ERC1: variants seen among roughly 807,000 people sequenced by gnomAD.
ERC1 encodes the protein RAB6 interacting protein 2.
A neutral mutation model predicts 132.0 loss-of-function variants in ERC1; 56 were observed. That is an observed-to-expected ratio of 0.42 (90% CI 0.34 to 0.53). The LOEUF (loss-of-function observed/expected upper bound fraction) is 0.53. ERC1 is among the 20% of genes least tolerant of loss of function. ERC1 has a pLI of 0.03. For missense variants in ERC1, 1,202 were observed against 1,349.9 expected (o/e 0.89, Z 1.72); for synonymous variants, 478 against 476.1 (o/e 1.00, Z -0.05).
At chr12:1,032,406 G>T (rs1236672677) in intron 2 of ERC1, among the ~76,000 whole-genome samples, 4 of 152,148 alleles carry the variant, frequency 2.6e-5, no homozygotes, top group Non-Finnish European at 5.9e-5. Context: ...TGGTTCTGTT[G>T]TGGCACTTTT....
chr12:1,393,158 G>C (rs1394151983), intron 16 of ERC1, among the ~76,000 whole-genome samples: 1 of 152,146 alleles, frequency 6.6e-6, no homozygotes, highest in Non-Finnish European at 1.5e-5. Flanking sequence ...TTTTGACTCA[G>C]TTATATTCTT....
At chr12:1,265,989 T>G (rs536403619) in intron 14 of ERC1, among the ~76,000 whole-genome samples, 10 of 152,288 alleles carry the variant, frequency 6.6e-5, no homozygotes, top group African/African-American at 2.4e-4. Flanking sequence ...TTTTGGCACT[T>G]AGGAACAAAG....
chr12:1,021,016 T>C (rs1234728151), intron 1 of ERC1, among the ~76,000 whole-genome samples: 1 of 152,184 alleles, frequency 6.6e-6, no homozygotes, highest in Admixed American at 6.5e-5. Context: ...CTGGGCTCAC[T>C]GCAGCCTCCA....
chr12:1,247,185 C>A (rs549561968), intron 13 of ERC1, among the ~76,000 whole-genome samples: 14 of 151,614 alleles, frequency 9.2e-5, no homozygotes, highest in African/African-American at 3.4e-4. Flanking sequence ...GCCCTGTTTG[C>A]GCCACTGCGC....
intron 17 of ERC1, among the ~76,000 whole-genome samples, chr12:1,440,597 C>CTTTTTTTTTTT (rs1393877518): frequency 9.0e-6 from 1 of 111,610 alleles, no homozygotes; most frequent in African/African-American, 5.2e-5. Context: ...CTGCCTCAGC[C>CTTTTTTTTTTT]TTTTGTGTGT....
Position 1,490,876 on chromosome 12 carries a change from G to A in ERC1, c.*646G>A. The stretch of plus-strand genomic sequence containing the variant: ...CTCCCAAGGTCTGAGTCTTCATCCA[G>A]CCCTGCCTGTCTGTCGCAGCCTTCC... On this transcript the variant is annotated 3_prime_UTR_variant, in exon 19 of 19. Transcript: ENST00000360905. The A allele has an allele frequency of 4.3e-6, 1 of 232,862 alleles. No homozygotes were observed. The highest frequency in any genetic ancestry group is 6.0e-5 in the East Asian group (1 of 16,554). The allele number at this position is 232,862 out of a possible 1,614,324, so 14.4% of individuals were successfully genotyped here. A position where few individuals can be genotyped will look rare whatever the true frequency, so the allele number is the denominator to read the frequency against.
chr12:1,448,657 C>CCAATGCATTTCACTGCCA (rs1185812588), intron 18 of ERC1, among the ~76,000 whole-genome samples: 1 of 152,248 alleles, frequency 6.6e-6, no homozygotes, highest in African/African-American at 2.4e-5. Context: ...CCTCATATCT[C>CCAATGCATTTCACTGCCA]CAATGCATTT....
chr12:1,037,600 C>G (rs905356775), intron 2 of ERC1, among the ~76,000 whole-genome samples: 1 of 152,152 alleles, frequency 6.6e-6, no homozygotes, highest in African/African-American at 2.4e-5. Flanking sequence ...TTTAATTATA[C>G]TCTTAAGTAT....
At chr12:1,179,140 G>A (rs1954075024) in intron 8 of ERC1, among the ~76,000 whole-genome samples, 1 of 152,106 alleles carries the variant, frequency 6.6e-6, no homozygotes, top group African/African-American at 2.4e-5. Context: ...CTGTACTTGA[G>A]TGATAACATG....
At chr12:1,210,772 G>T (rs540146012) in intron 12 of ERC1, among the ~76,000 whole-genome samples, 2 of 152,226 alleles carry the variant, frequency 1.3e-5, no homozygotes, top group African/African-American at 4.8e-5. Flanking sequence ...GAGGCAGATG[G>T]ATCACGAGGT....
chr12:1,315,877 T>C (rs1012403153), intron 15 of ERC1, among the ~76,000 whole-genome samples: 1 of 151,878 alleles, frequency 6.6e-6, no homozygotes, highest in African/African-American at 2.4e-5. Flanking sequence ...AACGTGAATT[T>C]ACAGTATGAA....
intron 15 of ERC1, among the ~76,000 whole-genome samples, chr12:1,298,535 T>A (rs1372493099): frequency 4.7e-5 from 6 of 127,578 alleles, no homozygotes; most frequent in South Asian, 2.5e-4. Context: ...AGAACGAGAC[T>A]CTGTCACAAA....
chr12:1,468,386 T>G (rs2093788948), intron 18 of ERC1, among the ~76,000 whole-genome samples: 1 of 152,092 alleles, frequency 6.6e-6, no homozygotes, highest in Non-Finnish European at 1.5e-5. Flanking sequence ...GTGGATCACT[T>G]GAGGTCAGGA....
chr12:1,293,325 C>T lies in ERC1; in HGVS notation c.2780+3313C>T, dbSNP rs559706648. Among the ~76,000 whole-genome samples the T allele has an allele frequency of 3.8e-3, 563 of 146,328 alleles. 4 individuals carry two copies. The highest frequency in any genetic ancestry group is 0.013 in the African/African-American group (516 of 39,556). ...AACATTAGCCAGGCGTGGTGGCGGG[C>T]GCCTGTAGTCCCAGCTACTCGGGAG... On this transcript the variant is annotated intron_variant, in intron 15 of 18. Coordinates refer to ENST00000360905, the MANE Select transcript of ERC1 (RefSeq NM_178040.4).
intron 13 of ERC1, among the ~76,000 whole-genome samples, chr12:1,248,719 G>C (rs1024827889): frequency 2.6e-5 from 4 of 152,168 alleles, no homozygotes; most frequent in African/African-American, 9.7e-5. Flanking sequence ...AGTGGGACAA[G>C]AGTCATACAA....
At chr12:1,480,731 G>A in intron 18 of ERC1, 1 of 663,780 alleles carries the variant, frequency 1.5e-6, no homozygotes, top group Non-Finnish European at 2.8e-6. Flanking sequence ...AGCAGGTGTG[G>A]GAGGGGGTGT....
intron 16 of ERC1, among the ~76,000 whole-genome samples, chr12:1,402,689 A>G (rs1449492745): frequency 6.6e-6 from 1 of 151,864 alleles, no homozygotes; most frequent in East Asian, 1.9e-4. Flanking sequence ...AATAGAAAAC[A>G]AGCTGTAAGA....
At chr12:1,373,141 A>C (rs376143637) in intron 16 of ERC1, among the ~76,000 whole-genome samples, 1 of 152,232 alleles carries the variant, frequency 6.6e-6, no homozygotes, top group African/African-American at 2.4e-5. Context: ...GACATCATCT[A>C]ATATTTTGAC....
chr12:1,110,161 C>T (rs754800772), intron 4 of ERC1, 31 bp from the exon 5 acceptor site: 8 of 1,551,976 alleles, frequency 5.2e-6, no homozygotes, highest in Non-Finnish European at 5.2e-6. Context: ...TTTGTGAATA[C>T]TTCAATCACT....
Sources: allele counts gnomAD v4.1 joint callset (sites outside exome capture counted in the v4.1 genomes callset), GRCh38; gene constraint gnomAD v4.1.1; transcripts MANE v1.5; gene names NCBI Gene and HGNC (gene_info 2026-07-23, HGNC 2026-07-21).